The following SLC8A1 variants were observed in gnomAD, a reference collection of about 807,000 sequenced individuals.
SLC8A1 encodes the protein solute carrier family 8 member A1, also known as sodium/calcium exchanger 1.
SLC8A1 carries 18 observed loss-of-function variants against 68.3 expected under a neutral mutation model. The observed-to-expected ratio is 0.26, with a 90% CI of 0.18 to 0.39. SLC8A1 has a LOEUF of 0.39. Among genes scored for constraint, SLC8A1 ranks in the 10% least tolerant of loss-of-function variants. SLC8A1 has a pLI of 1.00. For missense variants in SLC8A1, 985 were observed against 1,156.7 expected, an observed-to-expected ratio of 0.85 and a Z score of 2.15; for synonymous variants, 475 against 415.5, an observed-to-expected ratio of 1.14 and a Z score of -1.74.
rs528515726 is a variant in SLC8A1 at position 40,194,806 on chromosome 2, G to A, written c.1809-16951C>T. 2.0e-5 allele frequency among the ~76,000 whole-genome samples: 3 copies of A among 152,144 alleles called. No homozygotes were observed. The East Asian group carries it at 5.8e-4, about 30-fold the overall frequency. On this transcript the variant is annotated intron_variant, in intron 2 of 7. Coordinates refer to ENST00000406785, the Ensembl canonical transcript of SLC8A1. ...CACAATGGGATGAGACAGACTGGAA[G>A]AGGCCAAGACTGGAACTCAACCCGC...
chr2:40,325,948 C>A (rs139938346), intron 2 of SLC8A1, among the ~76,000 whole-genome samples: 248 of 152,182 alleles, frequency 1.6e-3, no homozygotes, highest in African/African-American at 5.5e-3. Flanking sequence ...TGAGAGTTCA[C>A]TGCTGGGCCT....
At chr2:40,321,511 G>C (rs371597648) in intron 2 of SLC8A1, among the ~76,000 whole-genome samples, 1 of 152,048 alleles carries the variant, frequency 6.6e-6, no homozygotes, top group African/African-American at 2.4e-5. Flanking sequence ...AGACATACCC[G>C]AGACTGGGTA....
rs369625612 is a variant in SLC8A1, at chr2:40,428,888, C to G, written c.1393G>C (p.Val465Leu). The change falls in exon 2 of 8, where the codon GTG becomes CTG. Residue 465 changes from valine to leucine, a missense_variant. Val to Leu is a conservative substitution (Grantham distance 32). Coordinates refer to ENST00000406785, the Ensembl canonical transcript of SLC8A1. ...TTCTGGGTATCACCAGGCTTAAACA[C>G]CACAGTTCCTTCAGTAAATTCATAA... The G allele has an allele frequency of 5.6e-6, 9 of 1,613,696 alleles. No individual in the cohort carries two copies. The African/African-American group carries it at 1.2e-4, about 22-fold the overall frequency.
chr2:40,301,409 G>C (rs181406842), intron 2 of SLC8A1, among the ~76,000 whole-genome samples: 2 of 152,296 alleles, frequency 1.3e-5, no homozygotes, highest in Admixed American at 1.3e-4. Context: ...ATTACCTTCA[G>C]GCTATAACTG....
chr2:40,199,074 C>G (rs2053638508), intron 2 of SLC8A1, among the ~76,000 whole-genome samples: 1 of 133,332 alleles, frequency 7.5e-6, no homozygotes, highest in Admixed American at 8.1e-5. Flanking sequence ...AAAATGCCAG[C>G]TGATATAATA....
intron 2 of SLC8A1, among the ~76,000 whole-genome samples, chr2:40,383,262 C>T (rs1682488620): frequency 6.6e-6 from 1 of 152,054 alleles, no homozygotes; most frequent in Non-Finnish European, 1.5e-5. Context: ...TTGTATATCT[C>T]ACTTGTCACT....
chr2:40,107,847 A>T (rs2034311590), exon 8 of SLC8A1: 1 of 152,358 alleles, frequency 6.6e-6, no homozygotes, highest in South Asian at 2.1e-4. Context: ...TCTGATCCTC[A>T]TATAAACAGT....
intron 4 of SLC8A1, among the ~76,000 whole-genome samples, 161 bp from the exon 8 acceptor site, chr2:40,165,145 T>C (rs565723077): frequency 2.0e-5 from 3 of 152,254 alleles, no homozygotes; most frequent in Middle Eastern, 3.4e-3. Context: ...GACAGACACT[T>C]GGCATGTAAG....
At chr2:40,504,782 G>A (rs1576682537) in intron 1 of SLC8A1, among the ~76,000 whole-genome samples, 2 of 151,790 alleles carry the variant, frequency 1.3e-5, no homozygotes, top group East Asian at 1.9e-4. Context: ...AGGTAAAATG[G>A]CTTTTACACA....
exon 8 of SLC8A1, chr2:40,097,583 T>C (rs1184156729): frequency 6.6e-6 from 1 of 152,008 alleles, no homozygotes; most frequent in Non-Finnish European, 1.5e-5. Flanking sequence ...AAGAGTCATT[T>C]ATTGTATGTT....
intron 2 of SLC8A1, among the ~76,000 whole-genome samples, chr2:40,245,009 G>T (rs1197848115): frequency 2.6e-5 from 4 of 152,206 alleles, no homozygotes; most frequent in Non-Finnish European, 4.4e-5. Context: ...TTCAAAGGTA[G>T]CTTCCTGACT....
chr2:40,333,337 T>A (rs1318644061), intron 2 of SLC8A1, among the ~76,000 whole-genome samples: 7 of 148,348 alleles, frequency 4.7e-5, no homozygotes, highest in African/African-American at 1.8e-4. Flanking sequence ...ACTCGGGAGG[T>A]TGAGGCAGGA....
chr2:40,467,127 C>G (rs904946799), intron 1 of SLC8A1, among the ~76,000 whole-genome samples: 1 of 152,090 alleles, frequency 6.6e-6, no homozygotes, highest in Non-Finnish European at 1.5e-5. Context: ...CCAAGGCTGG[C>G]TGGAGGCTAA....
chr2:40,361,390 G>T (rs993026852), intron 2 of SLC8A1, among the ~76,000 whole-genome samples: 2 of 151,998 alleles, frequency 1.3e-5, no homozygotes, highest in East Asian at 1.9e-4. Flanking sequence ...GCACATGTGG[G>T]TCTATATATG....
chr2:40,232,225 T>C (rs2059744758), intron 2 of SLC8A1, among the ~76,000 whole-genome samples: 1 of 152,218 alleles, frequency 6.6e-6, no homozygotes, highest in African/African-American at 2.4e-5. Context: ...TCTACCTTCT[T>C]TCAAACTCTT....
At chr2:40,235,639 T>C (rs1436999728) in intron 2 of SLC8A1, among the ~76,000 whole-genome samples, 4 of 152,180 alleles carry the variant, frequency 2.6e-5, no homozygotes, top group African/African-American at 9.6e-5. Flanking sequence ...TGCCTTCTGC[T>C]AGCTTTTGAA....
At chr2:40,411,633 TA>T (rs1009155103) in intron 2 of SLC8A1, among the ~76,000 whole-genome samples, 1 of 151,848 alleles carries the variant, frequency 6.6e-6, no homozygotes, top group African/African-American at 2.4e-5. Flanking sequence ...AAACAAACAA[TA>T]GGGGCCTCAT....
intron 2 of SLC8A1, among the ~76,000 whole-genome samples, chr2:40,354,766 C>T (rs529165040): frequency 5.9e-4 from 90 of 152,226 alleles, no homozygotes; most frequent in African/African-American, 2.1e-3. Context: ...GGAAAAAGTT[C>T]TCACATTTGA....
intron 1 of SLC8A1, among the ~76,000 whole-genome samples, chr2:40,509,355 A>G (rs1005485767): frequency 6.6e-6 from 1 of 151,610 alleles, no homozygotes; most frequent in Non-Finnish European, 1.5e-5. Context: ...TGTCATTTTT[A>G]ACGTTCTTAA....
Sources: gnomAD v4.1 joint callset for allele counts (sites outside exome capture counted in the v4.1 genomes callset) on GRCh38, gnomAD v4.1.1 for gene constraint, MANE v1.5 for transcripts, NCBI Gene and HGNC (gene_info 2026-07-23, HGNC 2026-07-21) for gene names.